TMEM184C: variants seen among roughly 807,000 people sequenced by gnomAD.
TMEM184C encodes transmembrane protein 34.
In TMEM184C, 25 loss-of-function variants were observed where a neutral mutation model predicts 54.5. That is an observed-to-expected ratio of 0.46 (90% CI 0.33 to 0.64). TMEM184C has a LOEUF of 0.64. Among genes scored for constraint, TMEM184C ranks in the 30% least tolerant of loss-of-function variants. The pLI, the probability that TMEM184C is intolerant of heterozygous loss-of-function variation, is 0.02. For missense variants in TMEM184C, 335 were observed against 520.3 expected (o/e 0.64, Z 3.46); for synonymous variants, 148 against 181.5 (o/e 0.82, Z 1.49).
At chr4:147,619,490 C>CG (rs1243680513) in intron 1 of TMEM184C, among the ~76,000 whole-genome samples, 5 of 152,114 alleles carry the variant, frequency 3.3e-5, no homozygotes, top group African/African-American at 1.2e-4. Context: ...CCACCGCACC[C>CG]GGCCCATATA....
rs1177705877 is a variant in TMEM184C at position 147,633,005 on chromosome 4, A to G, written c.879+3A>G. The G allele has an allele frequency of 1.2e-6, 2 of 1,610,770 alleles. No homozygotes were observed. The highest frequency in any genetic ancestry group is 1.7e-6 in the Non-Finnish European group (2 of 1,177,584). ...AAGCTGTGGCCACCGGACTCCAGGT[A>G]AGTAGTGCCATCTCTGAATTCAATA... On this transcript the variant is annotated splice_donor_region_variant and intron_variant, in intron 8 of 9. Transcript: ENST00000296582.
chr4:147,624,622 G>A (rs1732777022), intron 3 of TMEM184C, among the ~76,000 whole-genome samples, 182 bp from the exon 4 acceptor site: 1 of 152,018 alleles, frequency 6.6e-6, no homozygotes, highest in Non-Finnish European at 1.5e-5. Flanking sequence ...GATGTTTATT[G>A]CTTTTAAGCA....
At position 147,619,877 on chromosome 4, in the gene TMEM184C, T is replaced by G. The variant is rs144305719; in HGVS notation, c.123+1798T>G. On this transcript the variant is annotated intron_variant, in intron 1 of 9. Coordinates refer to ENST00000296582, the MANE Select transcript of TMEM184C (RefSeq NM_018241.3). ...ACCAGTTAAAACTTGGCACATTATG[T>G]GTGTCATCTTAAATCACTTCTAGTC... Among the ~76,000 whole-genome samples, 448 of 152,310 alleles carry G rather than the reference T, an allele frequency of 2.9e-3. 3 individuals are homozygous for G. The highest frequency in any genetic ancestry group is 9.8e-3 in the African/African-American group (406 of 41,566).
chr4:147,623,769 A>G (rs1373028161), intron 1 of TMEM184C, 65 bp from the exon 2 acceptor site: 1 of 1,531,986 alleles, frequency 6.5e-7, no homozygotes, highest in Non-Finnish European at 9.0e-7. Flanking sequence ...CAAGGCACTG[A>G]GCCTGGCCAA....
chr4:147,634,066 A>G lies in TMEM184C; in HGVS notation c.1052-103A>G, dbSNP rs773749939. The G allele has an allele frequency of 1.2e-3, 1,850 of 1,522,640 alleles. 3 individuals carry two copies. Among genetic ancestry groups the G allele is most frequent in the Non-Finnish European group, 1.5e-3 (1,742 of 1,128,868 alleles). 94.3% of individuals were successfully genotyped at this position (1,522,640 alleles called of 1,614,324 possible). A position where few individuals can be genotyped will look rare whatever the true frequency, so the allele number is the denominator to read the frequency against. On this transcript the variant is annotated intron_variant, in intron 9 of 9. Transcript: ENST00000296582. ...GCAGTACCACAGTGCAGGCTCATCA[A>G]CTTTGGGGAGTGGGAGAGGGGGAAG...
chr4:147,622,612 G>C (rs954812790), intron 1 of TMEM184C, among the ~76,000 whole-genome samples: 3 of 152,098 alleles, frequency 2.0e-5, no homozygotes, highest in African/African-American at 7.2e-5. Flanking sequence ...GGGGACTACT[G>C]TACTCAATTT....
intron 1 of TMEM184C, among the ~76,000 whole-genome samples, chr4:147,619,815 T>C (rs1265395462): frequency 6.6e-6 from 1 of 152,232 alleles, no homozygotes; most frequent in Non-Finnish European, 1.5e-5. Context: ...TCCCAACATG[T>C]CTTGCTTGGA....
intron 4 of TMEM184C, among the ~76,000 whole-genome samples, chr4:147,627,683 T>A (rs556936813): frequency 3.3e-5 from 5 of 152,320 alleles, no homozygotes; most frequent in African/African-American, 9.6e-5. Context: ...GAGGATCACT[T>A]GAGCCCAGGA....
rs536824737 is a variant in TMEM184C, at chr4:147,619,195, T to G, written c.123+1116T>G. Among the ~76,000 whole-genome samples the G allele has an allele frequency of 6.0e-5, 9 of 148,894 alleles. No homozygotes were observed. In the East Asian group the frequency reaches 6.0e-4, roughly 10 times the overall value. On this transcript the variant is annotated intron_variant, in intron 1 of 9. Coordinates refer to ENST00000296582, the MANE Select transcript of TMEM184C (RefSeq NM_018241.3). Reference sequence around the variant, plus strand: ...ATACTTACTTGTTGTTGTTGTTGTTTATTTTTATTTATTTATTTTTGAGAA... The same window carrying G: ...ATACTTACTTGTTGTTGTTGTTGTTGATTTTTATTTATTTATTTTTGAGAA...
At chr4:147,627,432 A>G (rs1732834459) in intron 4 of TMEM184C, among the ~76,000 whole-genome samples, 1 of 152,158 alleles carries the variant, frequency 6.6e-6, no homozygotes, top group Non-Finnish European at 1.5e-5. Flanking sequence ...CTGGGATTAC[A>G]GGCGTGCCCG....
Position 147,633,029 on chromosome 4 carries a change from T to C in TMEM184C, c.879+27T>C, listed in dbSNP as rs1295137698. ...TAAGTAGTGCCATCTCTGAATTCAATAGAACTTTACTATTTGTTAAGCATT... is the reference window on the plus strand; with the variant it reads ...TAAGTAGTGCCATCTCTGAATTCAACAGAACTTTACTATTTGTTAAGCATT... On this transcript the variant is annotated intron_variant, in intron 8 of 9. Transcript: ENST00000296582. The C allele has an allele frequency of 1.5e-5, 23 of 1,583,170 alleles. No individual in the cohort carries two copies. In the East Asian group the frequency reaches 2.2e-4, roughly 15 times the overall value.
At chr4:147,633,152 A>G (rs1240133199) in intron 8 of TMEM184C, 150 bp downstream of exon 8, 3 of 581,286 alleles carry the variant, frequency 5.2e-6, no homozygotes, top group Non-Finnish European at 8.9e-6. Flanking sequence ...GAAATTGGCC[A>G]TAATTACTAA....
chr4:147,632,776 T>C (rs769957571), intron 7 of TMEM184C, 127 bp from the exon 8 acceptor site: 1 of 627,076 alleles, frequency 1.6e-6, no homozygotes, highest in Non-Finnish European at 2.8e-6. Context: ...TTCAGCAATA[T>C]GCTGTAAAGG....
chr4:147,626,061 C>G (rs777943568), intron 4 of TMEM184C, among the ~76,000 whole-genome samples: 1 of 151,954 alleles, frequency 6.6e-6, no homozygotes, highest in Non-Finnish European at 1.5e-5. Flanking sequence ...GAGATGAGCC[C>G]GTTTATTGAT....
At chr4:147,623,715 C>T (rs571523320) in intron 1 of TMEM184C, 119 bp from the exon 2 acceptor site, 14 of 885,894 alleles carry the variant, frequency 1.6e-5, no homozygotes, top group Middle Eastern at 3.4e-4. Flanking sequence ...TGGCCTCAAG[C>T]GATCCTCCCA....
At chr4:147,632,755 C>T in intron 7 of TMEM184C, 148 bp from the exon 8 acceptor site, 1 of 549,250 alleles carries the variant, frequency 1.8e-6, no homozygotes, top group South Asian at 3.1e-5. Context: ...ATATATTTAA[C>T]ATAGAGTTTC....
At chr4:147,632,548 G>A (rs568770432) in intron 7 of TMEM184C, 1 of 182,622 alleles carries the variant, frequency 5.5e-6, no homozygotes, top group Non-Finnish European at 1.1e-5. Context: ...TATTCAGGTT[G>A]TTCCTAATTT....
At chr4:147,621,409 T>G (rs567705313) in intron 1 of TMEM184C, among the ~76,000 whole-genome samples, 5 of 152,326 alleles carry the variant, frequency 3.3e-5, no homozygotes, top group East Asian at 3.9e-4. Context: ...CCTCCTCATT[T>G]CGTGAGCCCA....
At position 147,635,394 on chromosome 4, in the gene TMEM184C, T is replaced by C. The variant is rs1035912088; in HGVS notation, c.*960T>C. 28 of 152,224 alleles carry C rather than the reference T, an allele frequency of 1.8e-4. No homozygotes were observed. The highest frequency in any genetic ancestry group is 3.4e-4 in the Non-Finnish European group (23 of 68,038). 9.4% of individuals were successfully genotyped at this position (152,224 alleles called of 1,614,324 possible). Reference sequence around the variant, plus strand: ...GTAAATCTTGGCTGAATGGTCTTAATTACTCATTAAACCACAGTCAGAAAG... The same window carrying C: ...GTAAATCTTGGCTGAATGGTCTTAACTACTCATTAAACCACAGTCAGAAAG... On this transcript the variant is annotated 3_prime_UTR_variant, in exon 10 of 10. Transcript: ENST00000296582.
Sources: allele counts gnomAD v4.1 joint callset (sites outside exome capture counted in the v4.1 genomes callset), GRCh38; gene constraint gnomAD v4.1.1; transcripts MANE v1.5; gene names NCBI Gene and HGNC (gene_info 2026-07-23, HGNC 2026-07-21).